Variants in HIVEP3 observed in about 807,000 individuals in gnomAD.
The protein encoded by HIVEP3 is transcription factor HIVEP3.
In HIVEP3, 49 loss-of-function variants were observed where a neutral mutation model predicts 152.8. The observed-to-expected ratio is 0.32, with a 90% CI of 0.26 to 0.41. The LOEUF (loss-of-function observed/expected upper bound fraction) is 0.41. Ranked by LOEUF, HIVEP3 falls within the 10% of genes least tolerant of loss-of-function variation. The pLI, the probability that HIVEP3 is intolerant of heterozygous loss-of-function variation, is 1.00. For synonymous variants in HIVEP3, 1,269 were observed against 1,289.0 expected (o/e 0.98, Z 0.33); for missense variants, 2,790 against 3,103.3 (o/e 0.90, Z 2.40).
chr1:41,887,532 C>A (rs1241051190), intron 1 of HIVEP3, among the ~76,000 whole-genome samples: 1 of 152,218 alleles, frequency 6.6e-6, no homozygotes, highest in African/African-American at 2.4e-5. Flanking sequence ...CTGAACTTCA[C>A]ACATTTGTGC....
At chr1:41,991,602 T>A (rs1160950225) in intron 1 of HIVEP3, among the ~76,000 whole-genome samples, 1 of 150,354 alleles carries the variant, frequency 6.7e-6, no homozygotes, top group Non-Finnish European at 1.5e-5. Flanking sequence ...CTTCTGAAAC[T>A]ATTCCAATCA....
intron 2 of HIVEP3, among the ~76,000 whole-genome samples, chr1:41,688,277 G>T (rs1050227383): frequency 6.6e-6 from 1 of 152,308 alleles, no homozygotes; most frequent in Middle Eastern, 3.4e-3. Context: ...GTCCTAAAAG[G>T]TATCAAAGCA....
intron 1 of HIVEP3, among the ~76,000 whole-genome samples, chr1:41,987,879 C>A (rs765200698): frequency 6.6e-6 from 1 of 152,054 alleles, no homozygotes; most frequent in African/African-American, 2.4e-5. Flanking sequence ...GAGAAGTGCA[C>A]AAGGGGAAAG....
intron 1 of HIVEP3, among the ~76,000 whole-genome samples, chr1:41,864,326 T>C (rs1424166119): frequency 6.6e-6 from 1 of 152,122 alleles, no homozygotes; most frequent in Non-Finnish European, 1.5e-5. Context: ...AGCCAGACAA[T>C]CATCTCCCCA....
rs1470590390 is a variant in HIVEP3, at chr1:41,580,538, C to T, written c.4260G>A (p.Gly1420=). The change falls in exon 4 of 9, where the codon GGG becomes GGA. Residue 1420 remains glycine (G), a synonymous_variant. Coordinates refer to ENST00000372583, the MANE Select transcript of HIVEP3 (RefSeq NM_024503.5). ...LSSESILSLE[G]SSSTAGGSKR... The stretch of plus-strand genomic sequence containing the variant: ...TGCTTCCCCCTGCTGTTGATGAACT[C>T]CCCTCCAGGCTCAAGATACTCTCTG... The T allele has an allele frequency of 6.2e-7, 1 of 1,614,226 alleles. No homozygotes were observed. Among genetic ancestry groups the T allele is most frequent in the Non-Finnish European group, 8.5e-7 (1 of 1,180,048 alleles).
chr1:41,519,858 T>C (rs1642712068), intron 6 of HIVEP3, among the ~76,000 whole-genome samples: 1 of 151,876 alleles, frequency 6.6e-6, no homozygotes, highest in Non-Finnish European at 1.5e-5. Flanking sequence ...GAAGGATAGA[T>C]GGAGAATGGG....
In HIVEP3 at chr1:41,506,780, G is replaced by T. The variant is rs577112241; in HGVS notation, c.*3671C>A. On this transcript the variant is annotated 3_prime_UTR_variant, in exon 9 of 9. Coordinates refer to ENST00000372583, the MANE Select transcript of HIVEP3 (RefSeq NM_024503.5). ...GAATGTATTGCCATTTAAGAACATA[G>T]AAACTTTCTACAGACAATTTCACAT... The T allele has an allele frequency of 3.3e-5, 5 of 152,142 alleles. No individual in the cohort carries two copies. Among genetic ancestry groups the T allele is most frequent in the South Asian group, 4.1e-4 (2 of 4,820 alleles). The allele number at this position is 152,142 out of a possible 1,614,324, so 9.4% of individuals were successfully genotyped here. A position where few individuals can be genotyped will look rare whatever the true frequency, so the allele number is the denominator to read the frequency against.
At chr1:42,001,573 C>G (rs348141) in intron 1 of HIVEP3, among the ~76,000 whole-genome samples, 7,892 of 152,238 alleles carry the variant, frequency 0.052, 720 homozygotes, top group African/African-American at 0.18. Context: ...TGATTACCTA[C>G]TATGTACCAG....
intron 2 of HIVEP3, among the ~76,000 whole-genome samples, chr1:41,689,758 A>C (rs1646167713): frequency 6.6e-6 from 1 of 152,240 alleles, no homozygotes. Flanking sequence ...TGGCCCAGCT[A>C]ATCCAAACCC....
chr1:41,629,936 A>G (rs894561268), intron 2 of HIVEP3, among the ~76,000 whole-genome samples: 4 of 152,220 alleles, frequency 2.6e-5, no homozygotes, highest in Admixed American at 2.6e-4. Flanking sequence ...TATATAACCA[A>G]AGGAAAATAA....
At chr1:41,555,362 T>G (rs1354945336) in intron 5 of HIVEP3, among the ~76,000 whole-genome samples, 2 of 152,200 alleles carry the variant, frequency 1.3e-5, no homozygotes, top group Admixed American at 1.3e-4. Context: ...AAGCACAATA[T>G]TTGGGCGGCA....
intron 1 of HIVEP3, among the ~76,000 whole-genome samples, chr1:41,801,285 G>A (rs2124312686): frequency 6.6e-6 from 1 of 152,102 alleles, no homozygotes; most frequent in East Asian, 1.9e-4. Context: ...CCTTGCCCCA[G>A]GTAATTCCTC....
intron 1 of HIVEP3, among the ~76,000 whole-genome samples, chr1:41,747,270 G>T (rs1647087136): frequency 6.6e-6 from 1 of 152,176 alleles, no homozygotes. Context: ...CTGAGAACAT[G>T]TTGGGGCTGG....
intron 1 of HIVEP3, among the ~76,000 whole-genome samples, chr1:41,912,717 T>C (rs1644816109): frequency 1.3e-5 from 2 of 152,216 alleles, no homozygotes; most frequent in South Asian, 2.1e-4. Context: ...AAGATTTCAA[T>C]GGTGATGCTC....
chr1:42,026,022 A>G (rs1645580027), intron 1 of HIVEP3, among the ~76,000 whole-genome samples: 1 of 151,968 alleles, frequency 6.6e-6, no homozygotes, highest in South Asian at 2.1e-4. Flanking sequence ...GTGAGCCGTG[A>G]TCGTGGCATT....
intron 3 of HIVEP3, among the ~76,000 whole-genome samples, chr1:41,603,015 G>T (rs1187778700): frequency 6.6e-6 from 1 of 151,610 alleles, no homozygotes; most frequent in Non-Finnish European, 1.5e-5. Context: ...ACATATTTTT[G>T]AATTTTCAAT....
At chr1:41,575,025 G>T (rs1644305999) in intron 5 of HIVEP3, among the ~76,000 whole-genome samples, 1 of 152,180 alleles carries the variant, frequency 6.6e-6, no homozygotes, top group African/African-American at 2.4e-5. Context: ...TGAGCCCTGG[G>T]CCCCAGCCAG....
At chr1:41,545,023 C>CCTCTACCACCACCAT in intron 5 of HIVEP3, among the ~76,000 whole-genome samples, 1 of 100,848 alleles carries the variant, frequency 9.9e-6, no homozygotes, top group Non-Finnish European at 2.3e-5. Context: ...ACCACTACCA[C>CCTCTACCACCACCAT]CACCACCACC....
At position 41,799,113 on chromosome 1, in the gene HIVEP3, T is replaced by A. The variant is rs185274361; in HGVS notation, c.-800-98118A>T. Among the ~76,000 whole-genome samples the A allele has an allele frequency of 3.0e-3, 453 of 152,346 alleles. 4 individuals carry two copies. Among genetic ancestry groups the A allele is most frequent in the Non-Finnish European group, 5.0e-3 (343 of 68,042 alleles). Reference sequence around the variant, plus strand: ...GGGAAATACAACACAAAATAATATATGTATTTCCTCAACTTATTTAGTCAT... The same window carrying A: ...GGGAAATACAACACAAAATAATATAAGTATTTCCTCAACTTATTTAGTCAT... On this transcript the variant is annotated intron_variant, in intron 1 of 8. Transcript: ENST00000372583.
Sources: allele counts gnomAD v4.1 joint callset (sites outside exome capture counted in the v4.1 genomes callset), GRCh38; gene constraint gnomAD v4.1.1; transcripts MANE v1.5; gene names NCBI Gene and HGNC (gene_info 2026-07-23, HGNC 2026-07-21).